Variants in SYNE1 observed in about 807,000 individuals in gnomAD.
SYNE1 encodes nesprin-1.
In SYNE1, 616 loss-of-function variants were observed where a neutral mutation model predicts 1,111.0. That is an observed-to-expected ratio of 0.55 (90% CI 0.52 to 0.59). SYNE1 has a LOEUF of 0.59. Ranked by LOEUF, SYNE1 falls within the 20% of genes least tolerant of loss-of-function variation. The pLI, the probability that SYNE1 is intolerant of heterozygous loss-of-function variation, is 0.00. For missense variants in SYNE1, 10,006 were observed against 10,417.0 expected, an observed-to-expected ratio of 0.96 and a Z score of 1.72; for synonymous variants, 3,855 against 3,825.8, an observed-to-expected ratio of 1.01 and a Z score of -0.28.
intron 3 of SYNE1, among the ~76,000 whole-genome samples, chr6:152,578,827 CTGTT>C (rs2099510009): frequency 6.6e-6 from 1 of 152,100 alleles, no homozygotes; most frequent in African/African-American, 2.4e-5. Context: ...TGTCACTTCT[CTGTT>C]TATTTCATTA....
chr6:152,367,765 T>TA (rs969736136), intron 61 of SYNE1: 633 of 219,040 alleles, frequency 2.9e-3, no homozygotes, highest in South Asian at 6.8e-3. Context: ...GCCAGAGTTC[T>TA]AAAAAAAAAA....
At chr6:152,632,076 A>G (rs1215979616) in intron 2 of SYNE1, among the ~76,000 whole-genome samples, 1 of 152,168 alleles carries the variant, frequency 6.6e-6, no homozygotes. Flanking sequence ...ATACTATCCT[A>G]GGTACAATTT....
At chr6:152,344,315 A>C in intron 73 of SYNE1, 88 bp from the exon 74 acceptor site, 1 of 1,543,872 alleles carries the variant, frequency 6.5e-7, no homozygotes, top group African/African-American at 1.5e-5. Context: ...TGACCAGTAC[A>C]TCTAAATGGA....
chr6:152,397,794 A>C (rs2097758435), intron 49 of SYNE1, among the ~76,000 whole-genome samples: 1 of 152,078 alleles, frequency 6.6e-6, no homozygotes, highest in Admixed American at 6.6e-5. Context: ...TGAGGTCAGG[A>C]GTTTGAGACC....
chr6:152,325,908 C>T, intron 80 of SYNE1, 50 bp downstream of exon 80: 3 of 1,604,734 alleles, frequency 1.9e-6, no homozygotes, highest in Non-Finnish European at 8.5e-7. Context: ...TGCAAAGACT[C>T]ATTATAATTA....
intron 112 of SYNE1, among the ~76,000 whole-genome samples, chr6:152,233,433 T>C (rs2083247755): frequency 6.6e-6 from 1 of 152,062 alleles, no homozygotes; most frequent in Non-Finnish European, 1.5e-5. Flanking sequence ...CAAACAATTC[T>C]GCTGCCTCAG....
chr6:152,544,310 C>A (rs1171518841), intron 3 of SYNE1, among the ~76,000 whole-genome samples: 4 of 152,166 alleles, frequency 2.6e-5, no homozygotes, highest in Non-Finnish European at 5.9e-5. Flanking sequence ...TTCTCCTTCT[C>A]TCTTATAACC....
At chr6:152,244,450 A>C in intron 106 of SYNE1, 87 bp downstream of exon 106, 4 of 1,604,366 alleles carry the variant, frequency 2.5e-6, no homozygotes, top group Non-Finnish European at 3.4e-6. Flanking sequence ...AATTTTATAA[A>C]GAAAGCCAAG....
At chr6:152,400,867 G>GAA (rs112642831) in intron 47 of SYNE1, among the ~76,000 whole-genome samples, 1 of 151,084 alleles carries the variant, frequency 6.6e-6, no homozygotes, top group Non-Finnish European at 1.5e-5. Flanking sequence ...TTATAAAAAA[G>GAA]AAAAAAAAAC....
rs143851739 is a variant in SYNE1, at chr6:152,334,229, G to T, written c.12573C>A (p.Thr4191=). Reference sequence around the variant, plus strand: ...TTAACTTATTCACCTTTTCTATTATGGTGTTCACGGATGCCTGTTTGCTCT... The same window carrying T: ...TTAACTTATTCACCTTTTCTATTATTGTGTTCACGGATGCCTGTTTGCTCT... The part of the protein sequence containing the change: ...KLQSKQASVN[T]IIEKVNKLTK... Residue 4191 remains threonine (T), a synonymous_variant, in exon 77 of 146, where the codon ACC becomes ACA. Transcript: ENST00000367255. The T allele has an allele frequency of 6.2e-6, 10 of 1,613,776 alleles. No homozygotes were observed. The highest frequency in any genetic ancestry group is 8.5e-6 in the Non-Finnish European group (10 of 1,180,004).
At chr6:152,257,563 A>C (rs9397091) in intron 101 of SYNE1, among the ~76,000 whole-genome samples, 88,245 of 151,972 alleles carry the variant, frequency 0.58, 26,025 homozygotes, top group East Asian at 0.75. Flanking sequence ...ATAAAAAAAG[A>C]AAATTAAATT....
rs143105027 is a variant in SYNE1, at chr6:152,598,319, C to T, written c.67+29946G>A. On this transcript the variant is annotated intron_variant, in intron 3 of 145. Coordinates refer to ENST00000367255, the MANE Select transcript of SYNE1 (RefSeq NM_182961.4). ...TTATCTTGCCTGCTGCCATGTGAGA[C>T]GTGTCTTCCACCTTCCACCATTATT... Among the ~76,000 whole-genome samples, 9 of 152,238 alleles carry T rather than the reference C, an allele frequency of 5.9e-5. No individual in the cohort carries two copies. In the South Asian group the frequency reaches 1.0e-3, roughly 18 times the overall value.
At chr6:152,481,937 A>C (rs1437490815) in intron 14 of SYNE1, among the ~76,000 whole-genome samples, 6 of 151,952 alleles carry the variant, frequency 3.9e-5, no homozygotes, top group Non-Finnish European at 8.8e-5. Context: ...TGAGAAGCCA[A>C]ATGACAGAGA....
Position 152,254,994 on chromosome 6 carries a change from A to G in SYNE1, c.19356T>C (p.Asp6452=). Residue 6452 remains aspartate, a synonymous_variant, in exon 104 of 146, where the codon GAT becomes GAC. Coordinates refer to ENST00000367255, the MANE Select transcript of SYNE1 (RefSeq NM_182961.4). ...QAFPENGDNR[D]VIEDTLGCLL... is the part of the protein sequence containing the mutation. ...GACAACCCAAAGTATCTTCAATAACATCTCGATTATCACCATTCTCTGGAA... is the reference window on the plus strand; with the variant it reads ...GACAACCCAAAGTATCTTCAATAACGTCTCGATTATCACCATTCTCTGGAA... The G allele has an allele frequency of 6.2e-7, 1 of 1,613,948 alleles. No individual in the cohort carries two copies. Among genetic ancestry groups the G allele is most frequent in the Non-Finnish European group, 8.5e-7 (1 of 1,179,906 alleles).
chr6:152,123,593 C>A lies in SYNE1; in HGVS notation c.26154-917G>T, dbSNP rs145457466. ...GGTGCTACTGTTTTCTTTTTGTGAACAGCCATTACCTTTTTTTGGTTACTA... is the reference window on the plus strand; with the variant it reads ...GGTGCTACTGTTTTCTTTTTGTGAAAAGCCATTACCTTTTTTTGGTTACTA... On this transcript the variant is annotated intron_variant, in intron 145 of 145. Transcript: ENST00000367255. Among the ~76,000 whole-genome samples, 769 of 152,266 alleles carry A rather than the reference C, an allele frequency of 5.1e-3. 14 individuals carry two copies. The highest frequency in any genetic ancestry group is 0.018 in the African/African-American group (749 of 41,558).
chr6:152,379,511 A>C (rs2097359163), intron 56 of SYNE1, among the ~76,000 whole-genome samples: 1 of 152,128 alleles, frequency 6.6e-6, no homozygotes, highest in Non-Finnish European at 1.5e-5. Flanking sequence ...TCCTCCCTAA[A>C]AGCAAAACAA....
chr6:152,161,163 C>T lies in SYNE1; in HGVS notation c.23790+3000G>A, dbSNP rs534044994. 2.3e-3 allele frequency among the ~76,000 whole-genome samples: 309 copies of T among 136,028 alleles called. 1 individual carries two copies. The highest frequency in any genetic ancestry group is 8.9e-3 in the African/African-American group (296 of 33,094). The allele number at this position is 136,028 out of a possible 152,430, so 89.2% of individuals were successfully genotyped here. A position where few individuals can be genotyped will look rare whatever the true frequency, so the allele number is the denominator to read the frequency against. On this transcript the variant is annotated intron_variant, in intron 131 of 145. Transcript: ENST00000367255. ...AAAATGGAGAGGAGAAAATTAACAT[C>T]GTAGTAATGTAACAAAAATATAAAT...
chr6:152,189,628 C>T (rs1432032529), intron 127 of SYNE1, among the ~76,000 whole-genome samples: 2 of 152,118 alleles, frequency 1.3e-5, no homozygotes, highest in African/African-American at 2.4e-5. Flanking sequence ...TTTTTGGTTT[C>T]TCAGTGCATA....
chr6:152,367,083 A>G (rs1286041269), intron 62 of SYNE1, 135 bp downstream of exon 62: 1 of 1,080,780 alleles, frequency 9.3e-7, no homozygotes, highest in East Asian at 2.4e-5. Flanking sequence ...CAAGGCAGAC[A>G]GCGTTGCACT....
Sources: gnomAD v4.1 joint callset for allele counts (sites outside exome capture counted in the v4.1 genomes callset) on GRCh38, gnomAD v4.1.1 for gene constraint, MANE v1.5 for transcripts, NCBI Gene and HGNC (gene_info 2026-07-23, HGNC 2026-07-21) for gene names.